The following OSBPL3 variants were observed in gnomAD, a reference collection of about 807,000 sequenced individuals.
The protein encoded by OSBPL3 is oxysterol binding protein like 3.
OSBPL3 carries 65 observed loss-of-function variants against 120.1 expected under a neutral mutation model. That is an observed-to-expected ratio of 0.54 (90% CI 0.44 to 0.67). The LOEUF (loss-of-function observed/expected upper bound fraction) is 0.67, where lower values mean the gene tolerates loss of function less well. Among genes scored for constraint, OSBPL3 ranks in the 30% least tolerant of loss-of-function variants. The probability of loss-of-function intolerance (pLI) is 0.00; values close to 1 mark genes in which losing one functional copy is unlikely to be tolerated. For missense variants in OSBPL3, 1,004 were observed against 1,082.1 expected (o/e 0.93, Z 1.01); for synonymous variants, 416 against 402.6 (o/e 1.03, Z -0.40).
Position 24,803,239 on chromosome 7 carries a change from C to A in OSBPL3, c.2567+1076G>T, listed in dbSNP as rs1286018628. Among the ~76,000 whole-genome samples the A allele has an allele frequency of 6.6e-6, 1 of 152,162 alleles. No individual in the cohort carries two copies. The highest frequency in any genetic ancestry group is 6.5e-5 in the Admixed American group (1 of 15,276). On this transcript the variant is annotated intron_variant, in intron 22 of 22. Coordinates refer to ENST00000313367, the MANE Select transcript of OSBPL3 (RefSeq NM_015550.4). This position sits in a 1 kb window ranked among gnomAD's most constrained non-coding sequence, Gnocchi z 4.2. ...ACTGGTGGCCCTGGAAGGACTTGGG[C>A]AGATGGAGTAGAGCAGGAACTTGCT...
chr7:24,843,960 A>G (rs527827786), intron 12 of OSBPL3, among the ~76,000 whole-genome samples: 2 of 152,286 alleles, frequency 1.3e-5, no homozygotes, highest in South Asian at 4.1e-4. Flanking sequence ...CTACTCATTA[A>G]TTTATTACTA....
At chr7:24,839,496 C>A (rs1433078844) in intron 14 of OSBPL3, among the ~76,000 whole-genome samples, 13 of 152,154 alleles carry the variant, frequency 8.5e-5, no homozygotes, top group Admixed American at 8.5e-4. Context: ...TCTTAGGATA[C>A]CCTGATGGGT....
rs1813741744 is a variant in OSBPL3 at position 24,946,456 on chromosome 7, G to A, written c.-150+33430C>T. 6.6e-6 allele frequency among the ~76,000 whole-genome samples: 1 copy of A among 152,202 alleles called. No individual in the cohort carries two copies. Among genetic ancestry groups the A allele is most frequent in the Non-Finnish European group, 1.5e-5 (1 of 68,008 alleles). On this transcript the variant is annotated intron_variant, in intron 1 of 22. Transcript: ENST00000313367. This position sits in a 1 kb window ranked among gnomAD's most constrained non-coding sequence, Gnocchi z 4.3. ...TAAAACTTCCACAGTGCTTAAAGGG[G>A]TAAGTTTCCATTAGTTAAAAAAATG...
At position 24,932,576 on chromosome 7, in the gene OSBPL3, T is replaced by A. The variant is rs954546057; in HGVS notation, c.-149-39955A>T. On this transcript the variant is annotated intron_variant, in intron 1 of 22. Transcript: ENST00000313367. This position sits in a 1 kb window ranked among gnomAD's most constrained non-coding sequence, Gnocchi z 5.6. The stretch of plus-strand genomic sequence containing the variant: ...AATGGGACTAGTGCCCTTTTAAAGA[T>A]TCCCCACAGAGCTGCCTTGTCCCTT... 2.0e-5 allele frequency among the ~76,000 whole-genome samples: 3 copies of A among 152,062 alleles called. No individual in the cohort carries two copies. Among genetic ancestry groups the A allele is most frequent in the African/African-American group, 7.2e-5 (3 of 41,406 alleles).
chr7:24,892,501 A>G lies in OSBPL3; in HGVS notation c.-29T>C, dbSNP rs1209993777. 1 of 1,605,112 alleles carries G rather than the reference A, an allele frequency of 6.2e-7. No homozygotes were observed. The highest frequency in any genetic ancestry group is 1.3e-5 in the African/African-American group (1 of 74,948). On this transcript the variant is annotated 5_prime_UTR_variant, in exon 2 of 23. Coordinates refer to ENST00000313367, the MANE Select transcript of OSBPL3 (RefSeq NM_015550.4). ...CAGCAAGTCACTTGGCCTCGAGACA[A>G]TCAAAATGCCATCAGATGACAAGGG...
Position 24,959,092 on chromosome 7 carries a change from T to C in OSBPL3, c.-150+20794A>G, listed in dbSNP as rs867163541. Among the ~76,000 whole-genome samples the C allele has an allele frequency of 6.6e-6, 1 of 152,152 alleles. No individual in the cohort carries two copies. Among genetic ancestry groups the C allele is most frequent in the Non-Finnish European group, 1.5e-5 (1 of 67,996 alleles). ...TAAAAAAGAAAAGAACAAGTACAGA[T>C]GTAGAGCAACTAGAACTATCATAAA... On this transcript the variant is annotated intron_variant, in intron 1 of 22. Coordinates refer to ENST00000313367, the MANE Select transcript of OSBPL3 (RefSeq NM_015550.4). The surrounding 1 kb of genome is among the most constrained non-coding windows in gnomAD (Gnocchi z 4.3).
Position 24,883,137 on chromosome 7 carries a change from G to A in OSBPL3, c.96+9240C>T, listed in dbSNP as rs752207059. Reference sequence around the variant, plus strand: ...CACTACACAGGGCCCCAGGGACCACGGGGCCAAGATGTGCCAGGAATGTGA... The same window carrying A: ...CACTACACAGGGCCCCAGGGACCACAGGGCCAAGATGTGCCAGGAATGTGA... On this transcript the variant is annotated intron_variant, in intron 2 of 22. Transcript: ENST00000313367. This position sits in a 1 kb window ranked among gnomAD's most constrained non-coding sequence, Gnocchi z 5.4. 2.6e-5 allele frequency among the ~76,000 whole-genome samples: 4 copies of A among 152,146 alleles called. No individual in the cohort carries two copies. Among genetic ancestry groups the A allele is most frequent in the South Asian group, 2.1e-4 (1 of 4,826 alleles).
chr7:24,950,510 C>T (rs899316162), intron 1 of OSBPL3, among the ~76,000 whole-genome samples: 17 of 152,304 alleles, frequency 1.1e-4, no homozygotes, highest in Admixed American at 1.0e-3. Context: ...ATCACGAGGT[C>T]AGGAGATCGA....
chr7:24,862,617 T>C lies in OSBPL3; in HGVS notation c.870+583A>G, dbSNP rs1800724324. On this transcript the variant is annotated intron_variant, in intron 9 of 22. Coordinates refer to ENST00000313367, the MANE Select transcript of OSBPL3 (RefSeq NM_015550.4). The surrounding 1 kb of genome is among the most constrained non-coding windows in gnomAD (Gnocchi z 4.4). ...TTGAGATTTATGTTGATTCTAAAACTGTTGCAATTAATATGCAACAGTTAA... is the reference window on the plus strand; with the variant it reads ...TTGAGATTTATGTTGATTCTAAAACCGTTGCAATTAATATGCAACAGTTAA... Among the ~76,000 whole-genome samples the C allele has an allele frequency of 6.6e-6, 1 of 152,236 alleles. No homozygotes were observed. The highest frequency in any genetic ancestry group is 6.5e-5 in the Admixed American group (1 of 15,288).
At position 24,922,233 on chromosome 7, in the gene OSBPL3, CT is replaced by C. The variant is rs1225886701; in HGVS notation, c.-149-29613del. ...GGTTAACAAATACAAACTACAAGCA[CT>C]GTACTATCTGGACTGTGTTACAAAA... is the stretch of plus-strand genomic sequence containing the variant. On this transcript the variant is annotated intron_variant, in intron 1 of 22. Coordinates refer to ENST00000313367, the MANE Select transcript of OSBPL3 (RefSeq NM_015550.4). This position sits in a 1 kb window ranked among gnomAD's most constrained non-coding sequence, Gnocchi z 4.3. Among the ~76,000 whole-genome samples, 1 of 152,182 alleles carries C rather than the reference CT, an allele frequency of 6.6e-6. No individual in the cohort carries two copies. The highest frequency in any genetic ancestry group is 1.5e-5 in the Non-Finnish European group (1 of 68,036).
At chr7:24,800,840 T>C (rs1344952393) in intron 22 of OSBPL3, among the ~76,000 whole-genome samples, 1 of 152,070 alleles carries the variant, frequency 6.6e-6, no homozygotes, top group East Asian at 1.9e-4. Context: ...GGGGAGAGTC[T>C]GTCATATACA....
At chr7:24,897,516 G>A (rs955918170) in intron 1 of OSBPL3, among the ~76,000 whole-genome samples, 4 of 151,428 alleles carry the variant, frequency 2.6e-5, no homozygotes, top group Non-Finnish European at 5.9e-5. Context: ...TAGTAGAGAC[G>A]GGGTTTCACC....
chr7:24,921,159 T>A (rs73076239), intron 1 of OSBPL3, among the ~76,000 whole-genome samples: 2,391 of 152,196 alleles, frequency 0.016, 35 homozygotes, highest in Middle Eastern at 0.044. Context: ...TGATCTTTGC[T>A]CTATATGCTT....
chr7:24,950,229 C>T (rs970983678), intron 1 of OSBPL3, among the ~76,000 whole-genome samples: 6 of 152,166 alleles, frequency 3.9e-5, no homozygotes, highest in African/African-American at 7.2e-5. Context: ...TCCACGTTGA[C>T]ATGTGCATAC....
chr7:24,889,616 A>T (rs1805039226), intron 2 of OSBPL3, among the ~76,000 whole-genome samples: 1 of 152,192 alleles, frequency 6.6e-6, no homozygotes, highest in Non-Finnish European at 1.5e-5. Context: ...AAAAAGAATA[A>T]TGTGGCAAAA....
rs1796805005 is a variant in OSBPL3, at chr7:24,834,779, T to C, written c.1496-43A>G. 3.4e-6 allele frequency: 5 copies of C among 1,478,466 alleles called. No individual in the cohort carries two copies. In the South Asian group the frequency reaches 5.5e-5, roughly 16 times the overall value. 91.6% of individuals were successfully genotyped at this position (1,478,466 alleles called of 1,614,324 possible). The stretch of plus-strand genomic sequence containing the variant: ...CTGGTTGTCTCTATAAAGCTTTTCA[T>C]TTTATTCTATTATTTTTAATCCACG... On this transcript the variant is annotated intron_variant, in intron 14 of 22. Coordinates refer to ENST00000313367, the MANE Select transcript of OSBPL3 (RefSeq NM_015550.4). This position sits in a 1 kb window ranked among gnomAD's most constrained non-coding sequence, Gnocchi z 5.2.
At position 24,967,842 on chromosome 7, in the gene OSBPL3, A is replaced by T. The variant is rs1317472034; in HGVS notation, c.-150+12044T>A. On this transcript the variant is annotated intron_variant, in intron 1 of 22. Coordinates refer to ENST00000313367, the MANE Select transcript of OSBPL3 (RefSeq NM_015550.4). The surrounding 1 kb of genome is among the most constrained non-coding windows in gnomAD (Gnocchi z 5.6). ...TCAACAGCTCTGCCCTCTCTCTTGC[A>T]CTGTTGCTGGACATGTCTGTGCTGA... 6.6e-6 allele frequency among the ~76,000 whole-genome samples: 1 copy of T among 152,146 alleles called. No homozygotes were observed. Among genetic ancestry groups the T allele is most frequent in the Non-Finnish European group, 1.5e-5 (1 of 68,034 alleles).
intron 6 of OSBPL3, 107 bp downstream of exon 6, chr7:24,865,963 G>T: frequency 1.2e-6 from 1 of 826,636 alleles, no homozygotes; most frequent in Non-Finnish European, 2.0e-6. Flanking sequence ...AGCCTACCCT[G>T]CTTGTCCCCG....
chr7:24,871,896 A>C lies in OSBPL3; in HGVS notation c.213+57T>G. The C allele has an allele frequency of 6.8e-7, 1 of 1,470,662 alleles. No homozygotes were observed. Among genetic ancestry groups the C allele is most frequent in the Non-Finnish European group, 9.5e-7 (1 of 1,049,550 alleles). The allele number at this position is 1,470,662 out of a possible 1,614,324, so 91.1% of individuals were successfully genotyped here. ...AATTAAATATGAGTACCTAAGAACC[A>C]GGTGCTGAGTGGGGCAGTGTGAGTG... is the stretch of plus-strand genomic sequence containing the variant. On this transcript the variant is annotated intron_variant, in intron 3 of 22. Coordinates refer to ENST00000313367, the MANE Select transcript of OSBPL3 (RefSeq NM_015550.4). This position sits in a 1 kb window ranked among gnomAD's most constrained non-coding sequence, Gnocchi z 4.8.
Sources: allele counts gnomAD v4.1 joint callset (sites outside exome capture counted in the v4.1 genomes callset), GRCh38; gene constraint gnomAD v4.1.1; non-coding constraint Gnocchi (gnomAD v3.1); transcripts MANE v1.5; gene names NCBI Gene and HGNC (gene_info 2026-07-23, HGNC 2026-07-21).